Variants in WDR59 observed in about 807,000 individuals in gnomAD.
The protein encoded by WDR59 is GATOR2 complex protein WDR59.
In WDR59, 100 loss-of-function variants were observed where a neutral mutation model predicts 131.2. The observed-to-expected ratio is 0.76, with a 90% confidence interval of 0.65 to 0.90. WDR59 has a LOEUF of 0.90. Among genes scored for constraint, WDR59 ranks in the 40% least tolerant of loss-of-function variants. WDR59 has a pLI of 0.00. For missense variants in WDR59, 1,203 were observed against 1,262.2 expected (o/e 0.95, Z 0.71); for synonymous variants, 601 against 466.2 (o/e 1.29, Z -3.72).
At chr16:74,971,008 C>T (rs1402670292) in intron 1 of WDR59, among the ~76,000 whole-genome samples, 1 of 151,720 alleles carries the variant, frequency 6.6e-6, no homozygotes, top group Non-Finnish European at 1.5e-5. Flanking sequence ...ATGTTCACAC[C>T]ACTACACTCC....
chr16:74,926,247 G>C (rs2145024910), intron 8 of WDR59, among the ~76,000 whole-genome samples: 1 of 152,088 alleles, frequency 6.6e-6, no homozygotes, highest in South Asian at 2.1e-4. Flanking sequence ...TTTTAGTAGA[G>C]ACGGGGTTTC....
At chr16:74,901,514 C>T (rs1295909753) in intron 18 of WDR59, among the ~76,000 whole-genome samples, 1 of 151,650 alleles carries the variant, frequency 6.6e-6, no homozygotes. Context: ...GTGGTGTACT[C>T]TTGTAGTTCT....
intron 1 of WDR59, among the ~76,000 whole-genome samples, chr16:74,966,591 A>G (rs1325605848): frequency 6.6e-6 from 1 of 152,156 alleles, no homozygotes; most frequent in African/African-American, 2.4e-5. Flanking sequence ...CCTTCTTGCA[A>G]GTGAAACCTA....
intron 3 of WDR59, among the ~76,000 whole-genome samples, chr16:74,952,557 A>AAAGGGTT (rs1424671497): frequency 6.6e-6 from 1 of 151,858 alleles, no homozygotes; most frequent in African/African-American, 2.4e-5. Context: ...TTAATTTCTT[A>AAAGGGTT]AAGGGTTAAG....
chr16:74,910,394 G>T (rs778109612), intron 14 of WDR59, among the ~76,000 whole-genome samples: 1 of 152,144 alleles, frequency 6.6e-6, no homozygotes, highest in Non-Finnish European at 1.5e-5. Context: ...GGTTAAAACA[G>T]GATTCACTCC....
At position 74,885,788 on chromosome 16, in the gene WDR59, C is replaced by T; in HGVS notation, c.2554G>A (p.Asp852Asn). 2 of 1,609,750 alleles carry T rather than the reference C, an allele frequency of 1.2e-6. No homozygotes were observed. The highest frequency in any genetic ancestry group is 1.7e-6 in the Non-Finnish European group (2 of 1,179,074). The change falls in exon 25 of 26, where the codon GAC becomes AAC. Residue 852 changes from aspartate to asparagine, a missense_variant. Asp to Asn is a conservative substitution (Grantham distance 23). Coordinates refer to ENST00000262144, the MANE Select transcript of WDR59 (RefSeq NM_030581.4). The stretch of plus-strand genomic sequence containing the variant: ...TCAAATTGCTGGGTATTGGCGGGGT[C>T]CAGGAGCCTGGATAAAGTTAAAAAG... Reference protein sequence around the residue: ...DQHDKNKRLLDPANTQQFDDF... With the variant: ...DQHDKNKRLLNPANTQQFDDF...
intron 7 of WDR59, 37 bp downstream of exon 7, chr16:74,942,701 T>C: frequency 6.2e-7 from 1 of 1,605,150 alleles, no homozygotes; most frequent in Non-Finnish European, 8.5e-7. Context: ...CTGGGAGGGA[T>C]CAAAGACCAA....
At chr16:74,975,959 T>A (rs1597822326) in intron 1 of WDR59, among the ~76,000 whole-genome samples, 1 of 152,080 alleles carries the variant, frequency 6.6e-6, no homozygotes. Flanking sequence ...GACACCAGCC[T>A]GGGCAACACA....
At chr16:74,897,929 G>C (rs1366686501) in intron 18 of WDR59, among the ~76,000 whole-genome samples, 1 of 152,156 alleles carries the variant, frequency 6.6e-6, no homozygotes, top group Non-Finnish European at 1.5e-5. Flanking sequence ...AATTTAACGA[G>C]GCTGTCTAGC....
At chr16:74,895,147 G>T (rs1965234732) in intron 18 of WDR59, among the ~76,000 whole-genome samples, 1 of 152,320 alleles carries the variant, frequency 6.6e-6, no homozygotes, top group East Asian at 1.9e-4. Flanking sequence ...AGGACATGTG[G>T]AGTTAGTTCA....
chr16:74,942,746 C>T lies in WDR59; in HGVS notation c.526G>A (p.Asp176Asn), dbSNP rs1484145584. 6.2e-7 allele frequency: 1 copy of T among 1,613,868 alleles called. No homozygotes were observed. Among genetic ancestry groups the T allele is most frequent in the African/African-American group, 1.3e-5 (1 of 74,902 alleles). The change falls in exon 7 of 26, where the codon GAT (aspartate) becomes AAT (asparagine). Residue 176 changes from aspartate (D) to asparagine (N), a missense_variant. Physicochemically the swap from Asp to Asn is conservative, Grantham distance 23. Transcript: ENST00000262144. ...TSHDGDVRIW[D>N]KRKPSTAVEY... ...AAAAAGAGATTACTCACCCTCTTATCCCATATCCGCACATCGCCGTCATGG... is the reference window on the plus strand; with the variant it reads ...AAAAAGAGATTACTCACCCTCTTATTCCATATCCGCACATCGCCGTCATGG...
intron 2 of WDR59, among the ~76,000 whole-genome samples, chr16:74,963,754 A>AT (rs1004891531): frequency 2.6e-5 from 4 of 152,126 alleles, no homozygotes; most frequent in East Asian, 1.9e-4. Flanking sequence ...ATTAAATTAA[A>AT]TTTTTTTTAA....
chr16:74,974,998 A>C (rs914078481), intron 1 of WDR59, among the ~76,000 whole-genome samples: 11 of 152,126 alleles, frequency 7.2e-5, no homozygotes, highest in Non-Finnish European at 2.9e-5. Context: ...GCCTCCTTAT[A>C]AGTCACTGAG....
intron 25 of WDR59, among the ~76,000 whole-genome samples, chr16:74,878,638 C>A (rs753175691): frequency 6.6e-6 from 1 of 151,986 alleles, no homozygotes; most frequent in Non-Finnish European, 1.5e-5. Context: ...AGAGAGAGAC[C>A]TTGTTCCCAC....
intron 8 of WDR59, among the ~76,000 whole-genome samples, chr16:74,936,030 T>C (rs1811719704): frequency 6.6e-6 from 1 of 151,382 alleles, no homozygotes; most frequent in South Asian, 2.1e-4. Flanking sequence ...CCTTCTAGGA[T>C]ATAGTGGAAT....
intron 1 of WDR59, among the ~76,000 whole-genome samples, chr16:74,975,664 CAAA>C (rs529100248): frequency 2.1e-5 from 2 of 94,454 alleles, no homozygotes; most frequent in African/African-American, 4.0e-5. Context: ...AACTCCGTCT[CAAA>C]AAAAAAAAAA....
At position 74,893,728 on chromosome 16, in the gene WDR59, C is replaced by T. The variant is rs769370451; in HGVS notation, c.1951G>A (p.Asp651Asn). 7.4e-6 allele frequency: 12 copies of T among 1,614,148 alleles called. No individual in the cohort carries two copies. The highest frequency in any genetic ancestry group is 9.3e-6 in the Non-Finnish European group (11 of 1,180,026). Residue 651 changes from aspartate to asparagine, a missense_variant, in exon 19 of 26, where the codon GAT (aspartate) becomes AAT (asparagine). Coordinates refer to ENST00000262144, the MANE Select transcript of WDR59 (RefSeq NM_030581.4). ...IKAAGKVIIQ[D>N]IACLLPVHKS... ...TGAACAGGCAGGAGGCAAGCAATAT[C>T]CTGGATGATGACTTTCCCAGCAGCC...
Position 74,888,298 on chromosome 16 carries a change from G to C in WDR59, c.2217C>G (p.Leu739=). The change falls in exon 22 of 26, where the codon CTC becomes CTG. Residue 739 remains leucine (L), a synonymous_variant. Transcript: ENST00000262144. ...GCATCGCCAGTGTCTGAACATCCCG[G>C]AGCCGGCAATAGTGAGCCAACCTGA... ...LESLLAHYCR[L]RDVQTLAMLC... The C allele has an allele frequency of 6.2e-7, 1 of 1,613,666 alleles. No individual in the cohort carries two copies. Among genetic ancestry groups the C allele is most frequent in the South Asian group, 1.1e-5 (1 of 91,026 alleles).
intron 11 of WDR59, 145 bp downstream of exon 11, chr16:74,917,784 G>C (rs1966462117): frequency 1.5e-6 from 1 of 658,066 alleles, no homozygotes; most frequent in Non-Finnish European, 2.4e-6. Flanking sequence ...ACTCCAGCCT[G>C]GGCGATTCAG....
Sources: allele counts gnomAD v4.1 joint callset (sites outside exome capture counted in the v4.1 genomes callset), GRCh38; gene constraint gnomAD v4.1.1; transcripts MANE v1.5; gene names NCBI Gene and HGNC (gene_info 2026-07-23, HGNC 2026-07-21).